The following VWDE variants were observed in gnomAD, a reference collection of about 807,000 sequenced individuals.
The protein encoded by VWDE is von Willebrand factor D and EGF domains.
In VWDE, 207 loss-of-function variants were observed where a neutral mutation model predicts 178.4. That is an observed-to-expected ratio of 1.16 (90% CI 1.04 to 1.30). The LOEUF (loss-of-function observed/expected upper bound fraction) is 1.30. VWDE is among the 50% of genes most tolerant of loss of function. VWDE has a pLI of 0.00. For missense variants in VWDE, 2,287 were observed against 1,901.3 expected (o/e 1.20, Z -3.77); for synonymous variants, 738 against 651.4 (o/e 1.13, Z -2.02).
intron 16 of VWDE, among the ~76,000 whole-genome samples, chr7:12,357,869 A>G (rs1323696077): frequency 1.3e-5 from 2 of 151,862 alleles, no homozygotes; most frequent in African/African-American, 4.8e-5. Flanking sequence ...CTGGCTGTGG[A>G]TCCTTTGCAC....
At chr7:12,374,944 A>C in intron 8 of VWDE, 66 bp downstream of exon 8, 4 of 1,445,966 alleles carry the variant, frequency 2.8e-6, no homozygotes, top group South Asian at 1.3e-5. Context: ...TTTATAAGAC[A>C]TAATGATAAA....
Position 12,392,079 on chromosome 7 carries a change from A to T in VWDE, c.243+1515T>A, listed in dbSNP as rs182232300. On this transcript the variant is annotated intron_variant, in intron 2 of 28. Coordinates refer to ENST00000275358, the MANE Select transcript of VWDE (RefSeq NM_001135924.3). ...ACAACTGAACACCTATTTATGCAGAACTCACTTGGGAAACCAGTCAGCTGA... is the reference window on the plus strand; with the variant it reads ...ACAACTGAACACCTATTTATGCAGATCTCACTTGGGAAACCAGTCAGCTGA... Among the ~76,000 whole-genome samples the T allele has an allele frequency of 1.6e-3, 248 of 152,266 alleles. 1 individual carries two copies. The highest frequency in any genetic ancestry group is 5.8e-3 in the African/African-American group (240 of 41,552).
intron 1 of VWDE, among the ~76,000 whole-genome samples, chr7:12,397,924 C>T (rs571048784): frequency 7.9e-5 from 12 of 152,108 alleles, no homozygotes; most frequent in South Asian, 4.1e-4. Flanking sequence ...ATGTCACTGA[C>T]GCTGTGGGGA....
chr7:12,358,099 G>A (rs533709038), intron 16 of VWDE, among the ~76,000 whole-genome samples: 16 of 152,234 alleles, frequency 1.1e-4, no homozygotes, highest in African/African-American at 3.1e-4. Context: ...ATTTCAGGAT[G>A]GGCATGGTGG....
intron 18 of VWDE, among the ~76,000 whole-genome samples, chr7:12,353,049 T>C (rs925133402): frequency 5.3e-5 from 8 of 152,204 alleles, no homozygotes; most frequent in Non-Finnish European, 1.2e-4. Context: ...TTCATTATAA[T>C]TCCCCTCCAA....
intron 13 of VWDE, among the ~76,000 whole-genome samples, chr7:12,363,386 T>C (rs1324355941): frequency 1.3e-5 from 2 of 152,044 alleles, no homozygotes; most frequent in Non-Finnish European, 1.5e-5. Context: ...TAAATCATAA[T>C]GTGCCATCCA....
chr7:12,366,352 G>C (rs1056400635), intron 13 of VWDE, among the ~76,000 whole-genome samples: 7 of 152,046 alleles, frequency 4.6e-5, no homozygotes, highest in African/African-American at 1.4e-4. Flanking sequence ...CTGAAGGTAA[G>C]TACAAGATGT....
intron 3 of VWDE, among the ~76,000 whole-genome samples, chr7:12,386,067 T>C (rs547352251): frequency 6.6e-6 from 1 of 152,296 alleles, no homozygotes; most frequent in Non-Finnish European, 1.5e-5. Context: ...TGTGAAAGTT[T>C]TGTTTTCTTT....
At chr7:12,377,717 A>G (rs1783614102) in intron 7 of VWDE, 59 bp downstream of exon 7, 3 of 1,133,400 alleles carry the variant, frequency 2.6e-6, no homozygotes, top group South Asian at 5.1e-5. Context: ...TTCCTACAGG[A>G]AAAAAAAGCA....
chr7:12,333,716 C>T, intron 27 of VWDE, 148 bp from the exon 28 acceptor site: 1 of 564,808 alleles, frequency 1.8e-6, no homozygotes. Context: ...TGGATCTAAT[C>T]TATGTACTCT....
At position 12,389,122 on chromosome 7, in the gene VWDE, C is replaced by G. The variant is rs1784247088; in HGVS notation, c.475+5G>C. The G allele has an allele frequency of 6.5e-7, 1 of 1,527,464 alleles. No homozygotes were observed. The highest frequency in any genetic ancestry group is 2.5e-5 in the East Asian group (1 of 40,752). The allele number at this position is 1,527,464 out of a possible 1,614,324, so 94.6% of individuals were successfully genotyped here. On this transcript the variant is annotated splice_donor_5th_base_variant and intron_variant, in intron 3 of 28. Transcript: ENST00000275358. ...CAGTCATGTGAATTACTGGTGTTTT[C>G]TTACCTTCCGCACAGTAGCCCATAC... is the stretch of plus-strand genomic sequence containing the variant.
At chr7:12,393,858 C>A in intron 1 of VWDE, 80 bp from the exon 2 acceptor site, 3 of 1,251,456 alleles carry the variant, frequency 2.4e-6, no homozygotes, top group Admixed American at 3.0e-5. Context: ...AATTGATTCC[C>A]AAAACAAAAA....
chr7:12,358,412 G>A (rs1782390344), intron 16 of VWDE, among the ~76,000 whole-genome samples: 1 of 151,386 alleles, frequency 6.6e-6, no homozygotes. Context: ...TAGAGGACAG[G>A]CAGAGTTCCC....
intron 17 of VWDE, among the ~76,000 whole-genome samples, 184 bp from the exon 18 acceptor site, chr7:12,356,514 A>T (rs1485762574): frequency 6.6e-6 from 1 of 152,166 alleles, no homozygotes; most frequent in Non-Finnish European, 1.5e-5. Context: ...TAATAAGGCA[A>T]TTACGCCCAC....
chr7:12,344,577 A>C, intron 19 of VWDE, 108 bp from the exon 20 acceptor site: 1 of 789,086 alleles, frequency 1.3e-6, no homozygotes, highest in Non-Finnish European at 2.0e-6. Context: ...TGAATAGTTA[A>C]CTAATAGTCC....
chr7:12,377,656 T>G, intron 7 of VWDE, 120 bp downstream of exon 7: 1 of 554,040 alleles, frequency 1.8e-6, no homozygotes, highest in Non-Finnish European at 2.7e-6. Context: ...GGGCTAAAAT[T>G]TGATGTCAAC....
At chr7:12,388,556 T>C (rs1562515206) in intron 3 of VWDE, among the ~76,000 whole-genome samples, 1 of 152,212 alleles carries the variant, frequency 6.6e-6, no homozygotes, top group Non-Finnish European at 1.5e-5. Context: ...TATCTACTCA[T>C]ACATTTATAA....
intron 1 of VWDE, 57 bp from the exon 2 acceptor site, chr7:12,393,835 G>A (rs551870752): frequency 1.8e-5 from 25 of 1,382,060 alleles, no homozygotes; most frequent in African/African-American, 5.9e-5. Flanking sequence ...GACATAGTTC[G>A]GTCCTCAATT....
intron 3 of VWDE, among the ~76,000 whole-genome samples, chr7:12,386,489 T>C (rs984059315): frequency 4.6e-5 from 7 of 152,292 alleles, no homozygotes; most frequent in South Asian, 2.1e-4. Context: ...TGATCAGGCC[T>C]TGCGCTTTCA....
Sources: gnomAD v4.1 joint callset for allele counts (sites outside exome capture counted in the v4.1 genomes callset) on GRCh38, gnomAD v4.1.1 for gene constraint, MANE v1.5 for transcripts, NCBI Gene and HGNC (gene_info 2026-07-23, HGNC 2026-07-21) for gene names.